REL: variants seen among roughly 807,000 people sequenced by gnomAD.
REL encodes REL proto-oncogene, NF-kB subunit, also known as proto-oncogene c-Rel.
Under a neutral mutation model 45.9 loss-of-function variants are expected in REL, and 15 were observed. The observed-to-expected ratio is 0.33, with a 90% CI of 0.22 to 0.50. The LOEUF (loss-of-function observed/expected upper bound fraction) is 0.50, where lower values mean the gene tolerates loss of function less well. Ranked by LOEUF, REL falls within the 20% of genes least tolerant of loss-of-function variation. The pLI is 0.98. For missense variants in REL, 601 were observed against 715.2 expected, an observed-to-expected ratio of 0.84 and a Z score of 1.82; for synonymous variants, 239 against 242.1, an observed-to-expected ratio of 0.99 and a Z score of 0.12.
At chr2:60,886,906 A>G (rs1449254132) in intron 1 of REL, among the ~76,000 whole-genome samples, 1 of 152,214 alleles carries the variant, frequency 6.6e-6, no homozygotes, top group African/African-American at 2.4e-5. Context: ...CTTTTAAAAT[A>G]CTATTCAGAA....
At chr2:60,910,339 C>A (rs900747287) in intron 4 of REL, among the ~76,000 whole-genome samples, 29 of 151,786 alleles carry the variant, frequency 1.9e-4, no homozygotes, top group Non-Finnish European at 3.4e-4. Flanking sequence ...GTGGCGGGCG[C>A]CTGTAGTCCC....
In REL at chr2:60,881,762, G is replaced by A; in HGVS notation, c.-79G>A. On this transcript the variant is annotated 5_prime_UTR_variant, in exon 1 of 10. Coordinates refer to ENST00000394479, the MANE Select transcript of REL (RefSeq NM_001291746.2). ...GGGCCCCGCCGGCAGAGGTCCCTCG[G>A]CCTCCTGACTGACTGACTGCGGCCG... is the stretch of plus-strand genomic sequence containing the variant. The A allele has an allele frequency of 2.2e-6, 3 of 1,365,278 alleles. No homozygotes were observed. Among genetic ancestry groups the A allele is most frequent in the Non-Finnish European group, 3.0e-6 (3 of 995,152 alleles). 84.6% of individuals were successfully genotyped at this position (1,365,278 alleles called of 1,614,324 possible).
chr2:60,891,846 G>T, intron 2 of REL, 21 bp downstream of exon 2: 1 of 1,579,192 alleles, frequency 6.3e-7, no homozygotes, highest in Non-Finnish European at 8.6e-7. Context: ...CTTCTTCTGT[G>T]TCTATCTCAC....
intron 4 of REL, among the ~76,000 whole-genome samples, chr2:60,911,094 C>T (rs1385158158): frequency 6.6e-6 from 1 of 152,026 alleles, no homozygotes; most frequent in Non-Finnish European, 1.5e-5. Context: ...AATGAGAAAC[C>T]AAGGCACACT....
At chr2:60,905,169 A>T (rs181350580) in intron 4 of REL, among the ~76,000 whole-genome samples, 1,645 of 152,192 alleles carry the variant, frequency 0.011, 7 homozygotes, top group Non-Finnish European at 0.017. Flanking sequence ...ATCTCGGCTC[A>T]CTGCAAGCTC....
intron 3 of REL, among the ~76,000 whole-genome samples, chr2:60,897,833 C>T (rs558434542): frequency 5.0e-4 from 75 of 150,512 alleles, no homozygotes; most frequent in Middle Eastern, 3.4e-3. Context: ...TTGAGTCCAG[C>T]CTGGGCAACA....
In REL at chr2:60,897,176, C is replaced by G. The variant is rs903362347; in HGVS notation, c.302+2631C>G. Reference sequence around the variant, plus strand: ...TATTCTTTTGATTTTCAAATTGACCCAGATTTGACTAATGCAAGCCTCTTC... The same window carrying G: ...TATTCTTTTGATTTTCAAATTGACCGAGATTTGACTAATGCAAGCCTCTTC... On this transcript the variant is annotated intron_variant, in intron 3 of 9. Coordinates refer to ENST00000394479, the MANE Select transcript of REL (RefSeq NM_001291746.2). 2.0e-5 allele frequency among the ~76,000 whole-genome samples: 3 copies of G among 152,190 alleles called. No individual in the cohort carries two copies. In the East Asian group the frequency reaches 5.8e-4, roughly 29 times the overall value.
In REL at chr2:60,900,920, G is replaced by A. The variant is rs968435530; in HGVS notation, c.303-72G>A. On this transcript the variant is annotated intron_variant, in intron 3 of 9. Coordinates refer to ENST00000394479, the MANE Select transcript of REL (RefSeq NM_001291746.2). ...CTGACAGCATGATAACTTCAGTATT[G>A]CTATATGTTTGATTTTTGCAATATT... 2.1e-5 allele frequency: 27 copies of A among 1,263,388 alleles called. No individual in the cohort carries two copies. The African/African-American group carries it at 3.9e-4, about 18-fold the overall frequency. The allele number at this position is 1,263,388 out of a possible 1,614,324, so 78.3% of individuals were successfully genotyped here.
At chr2:60,918,363 ATTT>A (rs149570046) in intron 6 of REL, 28 bp from the exon 7 acceptor site, 15 of 1,310,834 alleles carry the variant, frequency 1.1e-5, no homozygotes, top group Non-Finnish European at 1.5e-5. Flanking sequence ...TTGTTTTCCC[ATTT>A]TTTTTTTTTT....
In REL at chr2:60,928,217, A is replaced by G. The variant is rs1674312847; in HGVS notation, c.*5682A>G. On this transcript the variant is annotated 3_prime_UTR_variant, in exon 10 of 10. Transcript: ENST00000394479. ...GAACATTCCATGCTCATGGGTAGGA[A>G]GAATCAATATCGTGAAAATGGCCAT... The G allele has an allele frequency of 6.0e-6, 1 of 167,680 alleles. No homozygotes were observed. Among genetic ancestry groups the G allele is most frequent in the Non-Finnish European group, 1.3e-5 (1 of 76,974 alleles). 10.4% of individuals were successfully genotyped at this position (167,680 alleles called of 1,614,324 possible).
At chr2:60,895,813 G>C (rs568759132) in intron 3 of REL, among the ~76,000 whole-genome samples, 11 of 152,126 alleles carry the variant, frequency 7.2e-5, no homozygotes, top group Non-Finnish European at 1.2e-4. Context: ...CTCTAATGCT[G>C]TTCATTGCAG....
At chr2:60,884,715 A>G (rs1315439038) in intron 1 of REL, among the ~76,000 whole-genome samples, 3 of 152,144 alleles carry the variant, frequency 2.0e-5, no homozygotes, top group African/African-American at 7.2e-5. Context: ...TTTAAAATTT[A>G]GATAATTTAT....
intron 2 of REL, among the ~76,000 whole-genome samples, chr2:60,892,754 T>A (rs842646): frequency 0.1 from 15,825 of 151,660 alleles, 996 homozygotes; most frequent in African/African-American, 0.16. Context: ...TTATTTATTT[T>A]TTTATTTTTT....
At chr2:60,920,398 G>T (rs561660110) in intron 8 of REL, 176 bp from the exon 9 acceptor site, 3 of 652,356 alleles carry the variant, frequency 4.6e-6, no homozygotes, top group Middle Eastern at 4.1e-4. Context: ...ACAGGGTTTC[G>T]CCATGTTGAC....
intron 3 of REL, chr2:60,900,055 T>C (rs1299134141): frequency 6.6e-6 from 1 of 151,888 alleles, no homozygotes; most frequent in South Asian, 2.1e-4. Flanking sequence ...GTGGATCAAG[T>C]GTAGGAGGAC....
chr2:60,912,282 G>A (rs1412499489), intron 4 of REL, among the ~76,000 whole-genome samples: 1 of 152,014 alleles, frequency 6.6e-6, no homozygotes. Context: ...ATCTTAACTT[G>A]TTTTTATTAA....
intron 2 of REL, 23 bp downstream of exon 2, chr2:60,891,848 C>A: frequency 6.3e-7 from 1 of 1,579,956 alleles, no homozygotes; most frequent in Non-Finnish European, 8.6e-7. Context: ...TCTTCTGTGT[C>A]TATCTCACTA....
chr2:60,881,994 A>G, intron 1 of REL, 144 bp downstream of exon 1: 1 of 553,708 alleles, frequency 1.8e-6, no homozygotes, highest in Admixed American at 4.1e-5. Context: ...GTCAGCTTTT[A>G]AAAAAGTTAC....
rs1296619036 is a variant in REL, at chr2:60,925,859, A to C, written c.*3324A>C. The C allele has an allele frequency of 4.5e-6, 1 of 221,306 alleles. No homozygotes were observed. Among genetic ancestry groups the C allele is most frequent in the Non-Finnish European group, 9.1e-6 (1 of 110,322 alleles). 13.7% of individuals were successfully genotyped at this position (221,306 alleles called of 1,614,324 possible). On this transcript the variant is annotated 3_prime_UTR_variant, in exon 10 of 10. Transcript: ENST00000394479. ...ATAAGCCGAATTAAGGTTCTGCTAC[A>C]TCTGTGTTTAGAATATTTTTTTAAA...
Sources: allele counts gnomAD v4.1 joint callset (sites outside exome capture counted in the v4.1 genomes callset), GRCh38; gene constraint gnomAD v4.1.1; transcripts MANE v1.5; gene names NCBI Gene and HGNC (gene_info 2026-07-23, HGNC 2026-07-21).